Variants in LTBP1 observed in about 807,000 individuals in gnomAD.
LTBP1 encodes the protein latent-transforming growth factor beta-binding protein 1.
LTBP1 carries 129 observed loss-of-function variants against 207.6 expected under a neutral mutation model. The observed-to-expected ratio is 0.62, with a 90% CI of 0.54 to 0.72. The LOEUF is 0.72. LTBP1 is among the 30% of genes least tolerant of loss of function. The probability of loss-of-function intolerance (pLI) is 0.00; values close to 1 mark genes in which losing one functional copy is unlikely to be tolerated. For missense variants in LTBP1, 2,281 were observed against 2,217.2 expected, an observed-to-expected ratio of 1.03 and a Z score of -0.58; for synonymous variants, 963 against 833.7, an observed-to-expected ratio of 1.16 and a Z score of -2.67.
At chr2:33,157,939 T>C (rs2084113659) in intron 5 of LTBP1, among the ~76,000 whole-genome samples, 1 of 151,992 alleles carries the variant, frequency 6.6e-6, no homozygotes. Context: ...GTCAGGAGTT[T>C]GAGACCAGCA....
chr2:33,244,156 T>C (rs1231661089), intron 10 of LTBP1, among the ~76,000 whole-genome samples: 1 of 152,214 alleles, frequency 6.6e-6, no homozygotes, highest in Non-Finnish European at 1.5e-5. Flanking sequence ...TAAGCATTCT[T>C]TAGGTTGAAT....
At chr2:33,050,677 G>A (rs776617416) in intron 3 of LTBP1, among the ~76,000 whole-genome samples, 8 of 151,790 alleles carry the variant, frequency 5.3e-5, no homozygotes, top group Non-Finnish European at 7.4e-5. Context: ...GAACATTTGG[G>A]TTCAGGTTTC....
At chr2:33,356,627 G>A (rs1559061358) in intron 26 of LTBP1, among the ~76,000 whole-genome samples, 2 of 152,134 alleles carry the variant, frequency 1.3e-5, no homozygotes, top group Admixed American at 6.5e-5. Flanking sequence ...TCCAGCCTGG[G>A]CAACAGAGTG....
chr2:33,043,238 C>A (rs961816544), intron 3 of LTBP1, among the ~76,000 whole-genome samples: 5 of 152,148 alleles, frequency 3.3e-5, no homozygotes, highest in African/African-American at 1.2e-4. Context: ...GGATTGAGCC[C>A]AGAGCCTTTT....
chr2:33,388,512 G>A (rs1443514952), intron 31 of LTBP1, among the ~76,000 whole-genome samples: 7 of 152,176 alleles, frequency 4.6e-5, no homozygotes, highest in Admixed American at 2.0e-4. Flanking sequence ...GATGGTGTGC[G>A]TCTTTTAGTG....
chr2:33,204,153 CT>C (rs2089628916), intron 7 of LTBP1, among the ~76,000 whole-genome samples: 1 of 152,206 alleles, frequency 6.6e-6, no homozygotes, highest in Non-Finnish European at 1.5e-5. Context: ...GAGTTCTCTC[CT>C]GAACCTTCTC....
At chr2:33,078,597 TAAG>T (rs375987182) in intron 3 of LTBP1, among the ~76,000 whole-genome samples, 85 of 152,316 alleles carry the variant, frequency 5.6e-4, no homozygotes, top group African/African-American at 1.9e-3. Context: ...TTAATTCAAA[TAAG>T]AAGCATACAA....
At chr2:33,251,687 AG>A (rs1284292655) in intron 10 of LTBP1, among the ~76,000 whole-genome samples, 2,312 of 132,008 alleles carry the variant, frequency 0.018, 93 homozygotes, top group African/African-American at 0.075. Flanking sequence ...AAAAAAAAAA[AG>A]ATGCTAGAGG....
chr2:33,310,902 C>T (rs1264630102), intron 23 of LTBP1, among the ~76,000 whole-genome samples: 3 of 152,004 alleles, frequency 2.0e-5, no homozygotes, highest in Non-Finnish European at 4.4e-5. Flanking sequence ...ATTTTTGATA[C>T]CCAATAAATG....
At chr2:32,996,205 G>A (rs986322664) in intron 2 of LTBP1, among the ~76,000 whole-genome samples, 2 of 152,282 alleles carry the variant, frequency 1.3e-5, no homozygotes, top group Admixed American at 1.3e-4. Context: ...TTTGGAGGCT[G>A]GGAAGTCAAG....
rs80160581 is a variant in LTBP1, at chr2:33,153,654, C to T, written c.1201+18694C>T. 6.8e-3 allele frequency among the ~76,000 whole-genome samples: 1,037 copies of T among 152,194 alleles called. 5 individuals carry two copies. Among genetic ancestry groups the T allele is most frequent in the Middle Eastern group, 0.041 (12 of 294 alleles). On this transcript the variant is annotated intron_variant, in intron 5 of 33. Transcript: ENST00000404816. ...TAAGGAAAATCATTTTTATAATAAACGAAAAGGTAGTTTCCTAATACATAT... is the reference window on the plus strand; with the variant it reads ...TAAGGAAAATCATTTTTATAATAAATGAAAAGGTAGTTTCCTAATACATAT...
intron 5 of LTBP1, among the ~76,000 whole-genome samples, chr2:33,184,794 T>G (rs2087018348): frequency 6.6e-6 from 1 of 152,026 alleles, no homozygotes; most frequent in Admixed American, 6.5e-5. Context: ...TTTTTTTTTT[T>G]TTTTAGCATT....
At chr2:33,239,492 A>C (rs1282469551) in intron 9 of LTBP1, among the ~76,000 whole-genome samples, 1 of 152,208 alleles carries the variant, frequency 6.6e-6, no homozygotes, top group Non-Finnish European at 1.5e-5. Flanking sequence ...TTTGTCATCT[A>C]TAGAGGGAGA....
chr2:33,366,225 A>G lies in LTBP1; in HGVS notation c.4711+722A>G, dbSNP rs2094985429. On this transcript the variant is annotated intron_variant, in intron 31 of 33. Coordinates refer to ENST00000404816, the MANE Select transcript of LTBP1 (RefSeq NM_206943.4). ...TTTACCATCATAGCACCTTCTCATT[A>G]AAGGAAAGCACTCGAAAGTGTCCAG... is the stretch of plus-strand genomic sequence containing the variant. Among the ~76,000 whole-genome samples the G allele has an allele frequency of 1.3e-5, 2 of 152,190 alleles. 1 individual carries two copies. Among genetic ancestry groups the G allele is most frequent in the South Asian group, 4.1e-4 (2 of 4,830 alleles).
chr2:33,125,879 C>G (rs545652204), intron 4 of LTBP1, among the ~76,000 whole-genome samples: 1 of 151,694 alleles, frequency 6.6e-6, no homozygotes, highest in South Asian at 2.1e-4. Flanking sequence ...AAGCCACAAA[C>G]ATTACCTTAG....
intron 2 of LTBP1, among the ~76,000 whole-genome samples, chr2:33,013,731 G>T (rs951571387): frequency 6.6e-6 from 1 of 152,114 alleles, no homozygotes; most frequent in Non-Finnish European, 1.5e-5. Context: ...TGGGAAGAGT[G>T]TGTTTGGGCC....
intron 2 of LTBP1, among the ~76,000 whole-genome samples, chr2:32,981,882 G>T (rs219140): frequency 6.6e-6 from 1 of 152,114 alleles, no homozygotes; most frequent in Non-Finnish European, 1.5e-5. Flanking sequence ...GTGGAACTGT[G>T]AGTCCATTAA....
intron 19 of LTBP1, among the ~76,000 whole-genome samples, chr2:33,287,804 G>C (rs1410243127): frequency 3.3e-5 from 5 of 152,216 alleles, no homozygotes; most frequent in Non-Finnish European, 5.9e-5. Context: ...AACTTCATCA[G>C]AATTGACAGA....
chr2:32,947,291 C>T lies in LTBP1; in HGVS notation c.-34C>T. The T allele has an allele frequency of 1.7e-6, 2 of 1,209,886 alleles. No homozygotes were observed. Among genetic ancestry groups the T allele is most frequent in the African/African-American group, 1.6e-5 (1 of 63,158 alleles). 74.9% of individuals were successfully genotyped at this position (1,209,886 alleles called of 1,614,324 possible). On this transcript the variant is annotated 5_prime_UTR_variant, in exon 1 of 34. Transcript: ENST00000404816. ...GCACGGCCGGGGGAGGGGGCCGGACCGCGCGCGACCGGTCGCGCCCGCTGG... is the reference window on the plus strand; with the variant it reads ...GCACGGCCGGGGGAGGGGGCCGGACTGCGCGCGACCGGTCGCGCCCGCTGG...
Sources: gnomAD v4.1 joint callset for allele counts (sites outside exome capture counted in the v4.1 genomes callset) on GRCh38, gnomAD v4.1.1 for gene constraint, MANE v1.5 for transcripts, NCBI Gene and HGNC (gene_info 2026-07-23, HGNC 2026-07-21) for gene names.